KCNIP1: variants seen among roughly 807,000 people sequenced by gnomAD.
KCNIP1 encodes A-type potassium channel modulatory protein KCNIP1.
KCNIP1 carries 18 observed loss-of-function variants against 33.0 expected under a neutral mutation model. That is an observed-to-expected ratio of 0.55 (90% CI 0.38 to 0.81). KCNIP1 has a LOEUF of 0.81. Among genes scored for constraint, KCNIP1 ranks in the 30% least tolerant of loss-of-function variants. KCNIP1 has a pLI of 0.00. For synonymous variants in KCNIP1, 93 were observed against 98.3 expected, an observed-to-expected ratio of 0.95 and a Z score of 0.32; for missense variants, 238 against 271.6, an observed-to-expected ratio of 0.88 and a Z score of 0.87.
At chr5:170,493,788 C>T (rs535189067) in intron 1 of KCNIP1, among the ~76,000 whole-genome samples, 2 of 152,314 alleles carry the variant, frequency 1.3e-5, no homozygotes, top group Admixed American at 1.3e-4. Context: ...CCCCATGCCC[C>T]ACTCTTCCTT....
intron 1 of KCNIP1, among the ~76,000 whole-genome samples, chr5:170,513,163 A>C (rs1755004241): frequency 6.6e-6 from 1 of 152,202 alleles, no homozygotes; most frequent in South Asian, 2.1e-4. Context: ...ACTGGCCTAA[A>C]GTACAGATTA....
At chr5:170,692,138 G>A (rs1762743823) in intron 1 of KCNIP1, among the ~76,000 whole-genome samples, 1 of 152,072 alleles carries the variant, frequency 6.6e-6, no homozygotes, top group Non-Finnish European at 1.5e-5. Flanking sequence ...ACATTCATTG[G>A]CCAGATGCAA....
chr5:170,385,600 A>G, intron 1 of KCNIP1: 1 of 902,604 alleles, frequency 1.1e-6, no homozygotes, highest in South Asian at 1.7e-5. Context: ...GGAGCTTTGC[A>G]ACTTCCAGAA....
chr5:170,468,664 T>G (rs1756659458), intron 1 of KCNIP1, among the ~76,000 whole-genome samples: 2 of 151,116 alleles, frequency 1.3e-5, no homozygotes, highest in African/African-American at 4.9e-5. Context: ...GTGGATAGCT[T>G]GAGCCCAGGA....
chr5:170,623,645 G>C (rs2113650081), intron 1 of KCNIP1, among the ~76,000 whole-genome samples: 1 of 152,272 alleles, frequency 6.6e-6, no homozygotes, highest in South Asian at 2.1e-4. Context: ...TGAAGTTTCA[G>C]GTAAAGAAGT....
intron 1 of KCNIP1, among the ~76,000 whole-genome samples, chr5:170,692,828 A>G (rs1762764643): frequency 6.6e-6 from 1 of 152,234 alleles, no homozygotes; most frequent in Admixed American, 6.5e-5. Flanking sequence ...AGCAAATCAG[A>G]AAATACTAAA....
intron 1 of KCNIP1, among the ~76,000 whole-genome samples, chr5:170,630,175 T>C (rs10052538): frequency 5.8e-4 from 89 of 152,308 alleles, no homozygotes; most frequent in African/African-American, 2.1e-3. Flanking sequence ...CTAGGCACAG[T>C]CTTTCCCCAC....
intron 1 of KCNIP1, among the ~76,000 whole-genome samples, chr5:170,582,289 T>G (rs1008720528): frequency 6.6e-6 from 1 of 152,228 alleles, no homozygotes; most frequent in African/African-American, 2.4e-5. Flanking sequence ...GGCAGGTGGC[T>G]CCACCATATA....
intron 5 of KCNIP1, among the ~76,000 whole-genome samples, chr5:170,727,022 T>C (rs1374110192): frequency 2.6e-5 from 4 of 152,234 alleles, no homozygotes; most frequent in Non-Finnish European, 4.4e-5. Flanking sequence ...AGCAGCTTTA[T>C]TCATAGTAAT....
chr5:170,444,959 C>T (rs1443429676), intron 1 of KCNIP1, among the ~76,000 whole-genome samples: 1 of 152,160 alleles, frequency 6.6e-6, no homozygotes, highest in Non-Finnish European at 1.5e-5. Flanking sequence ...AATCCTCAGT[C>T]CACACAAACC....
chr5:170,735,219 A>G (rs772052458), intron 7 of KCNIP1, among the ~76,000 whole-genome samples: 2 of 152,082 alleles, frequency 1.3e-5, no homozygotes, highest in African/African-American at 2.4e-5. Context: ...CATGTTCTGT[A>G]TTTTACATTT....
chr5:170,535,074 T>C (rs11134633), intron 1 of KCNIP1, among the ~76,000 whole-genome samples: 63,414 of 152,128 alleles, frequency 0.42, 15,655 homozygotes, highest in African/African-American at 0.69. Context: ...ACTCAGCCAG[T>C]GGGCACAGCA....
At chr5:170,523,421 G>T (rs1301279461) in intron 1 of KCNIP1, among the ~76,000 whole-genome samples, 1 of 152,192 alleles carries the variant, frequency 6.6e-6, no homozygotes, top group Non-Finnish European at 1.5e-5. Context: ...TCCTGGGCTG[G>T]TGCCAGAGTA....
chr5:170,619,548 A>G (rs147183451), intron 1 of KCNIP1, among the ~76,000 whole-genome samples: 122 of 152,266 alleles, frequency 8.0e-4, no homozygotes, highest in African/African-American at 2.8e-3. Context: ...AGGTGTCTTG[A>G]CCAAAATGAG....
intron 1 of KCNIP1, among the ~76,000 whole-genome samples, chr5:170,670,685 G>A (rs1246147930): frequency 6.6e-6 from 1 of 152,154 alleles, no homozygotes; most frequent in African/African-American, 2.4e-5. Flanking sequence ...CTGAGCTCAG[G>A]AGTTCAAGAC....
chr5:170,734,627 A>G (rs1245560191), intron 7 of KCNIP1, among the ~76,000 whole-genome samples: 1 of 152,186 alleles, frequency 6.6e-6, no homozygotes, highest in African/African-American at 2.4e-5. Flanking sequence ...TACTTTTGAG[A>G]AATCCATTTG....
intron 1 of KCNIP1, among the ~76,000 whole-genome samples, chr5:170,613,380 G>A (rs1759249920): frequency 6.6e-6 from 1 of 152,202 alleles, no homozygotes; most frequent in African/African-American, 2.4e-5. Flanking sequence ...CTTATTTTAT[G>A]TCAAGTGTGA....
intron 1 of KCNIP1, among the ~76,000 whole-genome samples, chr5:170,486,568 C>T (rs1011008313): frequency 5.9e-5 from 9 of 152,316 alleles, no homozygotes; most frequent in African/African-American, 2.2e-4. Flanking sequence ...GTAATGAGTT[C>T]CTGCTGCCAA....
intron 1 of KCNIP1, among the ~76,000 whole-genome samples, chr5:170,706,407 C>G (rs1385513011): frequency 6.6e-6 from 1 of 152,304 alleles, no homozygotes; most frequent in South Asian, 2.1e-4. Flanking sequence ...ACAGCCTGAA[C>G]TGGGCTGTGA....
Sources: allele counts gnomAD v4.1 joint callset (sites outside exome capture counted in the v4.1 genomes callset), GRCh38; gene constraint gnomAD v4.1.1; transcripts MANE v1.5; gene names NCBI Gene and HGNC (gene_info 2026-07-23, HGNC 2026-07-21).